The following TRIM23 variants were observed in gnomAD, a reference collection of about 807,000 sequenced individuals.
TRIM23 encodes E3 ubiquitin-protein ligase TRIM23.
In TRIM23, 27 loss-of-function variants were observed where a neutral mutation model predicts 71.0. The observed-to-expected ratio is 0.38, with a 90% CI of 0.28 to 0.52. TRIM23 has a LOEUF of 0.52. Ranked by LOEUF, TRIM23 falls within the 20% of genes least tolerant of loss-of-function variation. The probability of loss-of-function intolerance (pLI) is 0.84; values close to 1 mark genes in which losing one functional copy is unlikely to be tolerated. For missense variants in TRIM23, 482 were observed against 692.3 expected (o/e 0.70, Z 3.41); for synonymous variants, 234 against 238.0 (o/e 0.98, Z 0.16).
chr5:65,593,267 T>A (rs1754094069), intron 10 of TRIM23, among the ~76,000 whole-genome samples: 1 of 152,044 alleles, frequency 6.6e-6, no homozygotes, highest in Admixed American at 6.6e-5. Context: ...AAACCCTGAA[T>A]CTACTAAAAA....
chr5:65,595,513 G>T (rs567281722), intron 9 of TRIM23, among the ~76,000 whole-genome samples: 1 of 144,622 alleles, frequency 6.9e-6, no homozygotes, highest in Admixed American at 7.2e-5. Context: ...AGCCGAGATC[G>T]CACCACTGCA....
At chr5:65,592,266 C>T (rs1294115381) in intron 10 of TRIM23, among the ~76,000 whole-genome samples, 1 of 152,094 alleles carries the variant, frequency 6.6e-6, no homozygotes, top group Non-Finnish European at 1.5e-5. Flanking sequence ...CACTCTGTCA[C>T]CCAGACTGGA....
chr5:65,596,935 T>A lies in TRIM23; in HGVS notation c.1309+116A>T, dbSNP rs150268490. On this transcript the variant is annotated intron_variant, in intron 8 of 10. Transcript: ENST00000231524. Reference sequence around the variant, plus strand: ...GCATTTTTTCTCTGAGATGCTGATATCTTAGAGCCAGAAAAGAGCCCACCA... The same window carrying A: ...GCATTTTTTCTCTGAGATGCTGATAACTTAGAGCCAGAAAAGAGCCCACCA... 7.6e-4 allele frequency: 998 copies of A among 1,306,424 alleles called. 6 individuals carry two copies. The African/African-American group carries it at 0.012, about 16-fold the overall frequency. The allele number at this position is 1,306,424 out of a possible 1,614,324, so 80.9% of individuals were successfully genotyped here.
chr5:65,620,638 A>C (rs1754907729), intron 1 of TRIM23, among the ~76,000 whole-genome samples: 1 of 152,026 alleles, frequency 6.6e-6, no homozygotes, highest in Non-Finnish European at 1.5e-5. Flanking sequence ...TACATAGGAC[A>C]CCAGTAACAT....
rs1308677073 is a variant in TRIM23, at chr5:65,610,973, G to C, written c.716C>G (p.Thr239Ser). 1 of 1,613,752 alleles carries C rather than the reference G, an allele frequency of 6.2e-7. No individual in the cohort carries two copies. ...ATAATCTGAGATTTCCTCTGTGAAG[G>C]TCCGTATGCAGTGAGCCATATCTAA... is the stretch of plus-strand genomic sequence containing the variant. ...SILDMAHCIR[T>S]FTEEISDYSR... The change falls in exon 5 of 11, where the codon ACC (threonine) becomes AGC (serine). Residue 239 changes from threonine (T) to serine (S), a missense_variant. Thr to Ser is a moderately conservative substitution (Grantham distance 58, BLOSUM62 1). Around this residue, in one of 2 missense-constraint regions of TRIM23, gnomAD observed 307 missense variants for 495.8 expected, o/e 0.62. Coordinates refer to ENST00000231524, the MANE Select transcript of TRIM23 (RefSeq NM_001656.4).
chr5:65,614,226 T>C lies in TRIM23; in HGVS notation c.245-7A>G, dbSNP rs1283538462. ...CCCCAGACACCTGAATCACCTAGAATAAATATAAAAACAAAAACTAAATCT... is the reference window on the plus strand; with the variant it reads ...CCCCAGACACCTGAATCACCTAGAACAAATATAAAAACAAAAACTAAATCT... On this transcript the variant is annotated splice_region_variant and splice_polypyrimidine_tract_variant and intron_variant, in intron 2 of 10. Coordinates refer to ENST00000231524, the MANE Select transcript of TRIM23 (RefSeq NM_001656.4). 18 of 1,611,644 alleles carry C rather than the reference T, an allele frequency of 1.1e-5. No homozygotes were observed. Among genetic ancestry groups the C allele is most frequent in the African/African-American group, 1.3e-5 (1 of 74,904 alleles).
At chr5:65,602,759 G>A (rs1473101354) in intron 7 of TRIM23, among the ~76,000 whole-genome samples, 1 of 152,182 alleles carries the variant, frequency 6.6e-6, no homozygotes, top group Non-Finnish European at 1.5e-5. Flanking sequence ...AGAGAAAAAT[G>A]AGGAAGAAGC....
chr5:65,621,915 C>A (rs1408594545), intron 1 of TRIM23, among the ~76,000 whole-genome samples: 1 of 151,766 alleles, frequency 6.6e-6, no homozygotes, highest in African/African-American at 2.4e-5. Flanking sequence ...GCAGCCTTGA[C>A]CTCCCAAGCT....
chr5:65,602,759 G>T (rs1473101354), intron 7 of TRIM23, among the ~76,000 whole-genome samples: 2 of 152,182 alleles, frequency 1.3e-5, no homozygotes, highest in African/African-American at 4.8e-5. Flanking sequence ...AGAGAAAAAT[G>T]AGGAAGAAGC....
At position 65,609,344 on chromosome 5, in the gene TRIM23, G is replaced by A. The variant is rs915022414; in HGVS notation, c.943C>T (p.Arg315Cys). 8 of 1,613,918 alleles carry A rather than the reference G, an allele frequency of 5.0e-6. No homozygotes were observed. Among genetic ancestry groups the A allele is most frequent in the Middle Eastern group, 1.6e-4 (1 of 6,084 alleles). ...MALSVVDAHV[R>C]EKLIWLRQQQ... ...TGCCTGAGCCAAATCAATTTTTCAC[G>A]AACATGAGCATCAACAACACTTAGA... Residue 315 changes from arginine to cysteine, a missense_variant, in exon 6 of 11, where the codon CGT (arginine) becomes TGT (cysteine). Arg to Cys is a radical substitution (Grantham distance 180, BLOSUM62 -3). Transcript: ENST00000231524.
chr5:65,615,056 C>T (rs546246316), intron 2 of TRIM23, among the ~76,000 whole-genome samples: 48 of 151,940 alleles, frequency 3.2e-4, no homozygotes, highest in African/African-American at 1.1e-3. Flanking sequence ...TGCCACTATG[C>T]CCAGCTGATT....
chr5:65,595,653 G>T (rs1435854884), intron 9 of TRIM23, among the ~76,000 whole-genome samples: 4 of 151,770 alleles, frequency 2.6e-5, no homozygotes, highest in Non-Finnish European at 5.9e-5. Context: ...TTGAGCCCAG[G>T]AGACAGAGGT....
chr5:65,612,763 G>C (rs1005081298), intron 3 of TRIM23, among the ~76,000 whole-genome samples: 5 of 152,136 alleles, frequency 3.3e-5, no homozygotes, highest in Admixed American at 3.3e-4. Flanking sequence ...AGGCTGCAGG[G>C]AACTGAGATC....
intron 6 of TRIM23, among the ~76,000 whole-genome samples, 163 bp from the exon 7 acceptor site, chr5:65,605,208 G>A (rs960613934): frequency 6.6e-6 from 1 of 152,058 alleles, no homozygotes; most frequent in African/African-American, 2.4e-5. Flanking sequence ...ATAATTTAAG[G>A]ACTTAGCAAC....
chr5:65,610,831 G>A (rs1479589912), intron 5 of TRIM23, 30 bp downstream of exon 5: 3 of 1,531,166 alleles, frequency 2.0e-6, no homozygotes, highest in East Asian at 2.3e-5. Flanking sequence ...AAAAAAGAAT[G>A]AGAAAGTGAA....
intron 1 of TRIM23, among the ~76,000 whole-genome samples, chr5:65,622,101 G>C (rs1754963221): frequency 6.6e-6 from 1 of 151,796 alleles, no homozygotes; most frequent in African/African-American, 2.4e-5. Context: ...CCAAAGTGCT[G>C]AGATTAAAGG....
intron 1 of TRIM23, among the ~76,000 whole-genome samples, chr5:65,621,684 A>C (rs1319500359): frequency 6.6e-6 from 1 of 152,190 alleles, no homozygotes; most frequent in Non-Finnish European, 1.5e-5. Context: ...TATAAATAGG[A>C]ATTGTGGTTA....
chr5:65,616,080 T>C (rs547080557), intron 2 of TRIM23, among the ~76,000 whole-genome samples: 3 of 152,346 alleles, frequency 2.0e-5, no homozygotes, highest in African/African-American at 4.8e-5. Context: ...CACTGATCAA[T>C]GAACATCACA....
At chr5:65,603,297 T>G (rs1286215217) in intron 7 of TRIM23, among the ~76,000 whole-genome samples, 5 of 152,180 alleles carry the variant, frequency 3.3e-5, no homozygotes, top group Admixed American at 3.3e-4. Flanking sequence ...AATTTTTTAT[T>G]ATGTGTTTTT....
Sources: allele counts gnomAD v4.1 joint callset (sites outside exome capture counted in the v4.1 genomes callset), GRCh38; gene constraint gnomAD v4.1.1; regional missense constraint gnomAD v4.1.1; transcripts MANE v1.5; gene names NCBI Gene and HGNC (gene_info 2026-07-23, HGNC 2026-07-21).